PDSS2: variants seen among roughly 807,000 people sequenced by gnomAD.
PDSS2 encodes the protein decaprenyl diphosphate synthase subunit 2.
In PDSS2, 31 loss-of-function variants were observed where a neutral mutation model predicts 44.5. The observed-to-expected ratio is 0.70, with a 90% CI of 0.52 to 0.94. The LOEUF is 0.94. Among genes scored for constraint, PDSS2 ranks in the 40% least tolerant of loss-of-function variants. The pLI, the probability that PDSS2 is intolerant of heterozygous loss-of-function variation, is 0.00. For synonymous variants in PDSS2, 157 were observed against 180.3 expected (o/e 0.87, Z 1.03); for missense variants, 452 against 482.2 (o/e 0.94, Z 0.59).
At chr6:107,456,759 T>A (rs1316377946) in intron 1 of PDSS2, among the ~76,000 whole-genome samples, 1 of 152,148 alleles carries the variant, frequency 6.6e-6, no homozygotes, top group African/African-American at 2.4e-5. Context: ...CCCAGGCTGG[T>A]CTCGAACTCC....
At chr6:107,311,195 CTTTT>C (rs35780982) in intron 2 of PDSS2, among the ~76,000 whole-genome samples, 1 of 128,282 alleles carries the variant, frequency 7.8e-6, no homozygotes. Flanking sequence ...CCACAACCAG[CTTTT>C]TTTTTTTTTT....
intron 2 of PDSS2, among the ~76,000 whole-genome samples, chr6:107,286,023 C>T (rs1776129929): frequency 6.6e-6 from 1 of 151,378 alleles, no homozygotes; most frequent in Non-Finnish European, 1.5e-5. Context: ...GCCTGTAATC[C>T]CAGCTACTCA....
intron 1 of PDSS2, among the ~76,000 whole-genome samples, chr6:107,395,841 G>A (rs1307454153): frequency 6.6e-6 from 1 of 152,112 alleles, no homozygotes; most frequent in African/African-American, 2.4e-5. Context: ...TTGATTTTAT[G>A]TTGCTGAGTG....
chr6:107,444,941 AAGGAG>A, intron 1 of PDSS2, among the ~76,000 whole-genome samples: 1 of 152,278 alleles, frequency 6.6e-6, no homozygotes, highest in South Asian at 2.1e-4. Context: ...GCAAAAGCAA[AAGGAG>A]TATTTAAACA....
At chr6:107,187,177 A>G (rs1249098014) in intron 7 of PDSS2, among the ~76,000 whole-genome samples, 2 of 152,202 alleles carry the variant, frequency 1.3e-5, no homozygotes, top group African/African-American at 4.8e-5. Context: ...TCTCTATGTT[A>G]CTTGGATTTA....
chr6:107,435,700 A>G (rs1781328671), intron 1 of PDSS2, among the ~76,000 whole-genome samples: 1 of 152,180 alleles, frequency 6.6e-6, no homozygotes, highest in Non-Finnish European at 1.5e-5. Context: ...TGTAATTATT[A>G]AACACTGTCA....
At chr6:107,162,729 C>T (rs945955420) in intron 7 of PDSS2, among the ~76,000 whole-genome samples, 7 of 151,178 alleles carry the variant, frequency 4.6e-5, no homozygotes, top group African/African-American at 4.9e-5. Context: ...CTCAGCCTCC[C>T]GAGTAGCTGG....
At chr6:107,225,164 T>TATATACATA (rs1289535741) in intron 4 of PDSS2, among the ~76,000 whole-genome samples, 1 of 42,978 alleles carries the variant, frequency 2.3e-5, no homozygotes, top group African/African-American at 1.3e-4. Context: ...TATATATATT[T>TATATACATA]TTTTTTTTTT....
intron 7 of PDSS2, among the ~76,000 whole-genome samples, chr6:107,159,849 TTA>T (rs1379532847): frequency 6.9e-4 from 105 of 152,328 alleles, no homozygotes; most frequent in African/African-American, 2.5e-3. Flanking sequence ...GATGTTTAAT[TTA>T]TGAGTATTAA....
At chr6:107,375,944 A>G (rs1398726437) in intron 1 of PDSS2, among the ~76,000 whole-genome samples, 2 of 151,876 alleles carry the variant, frequency 1.3e-5, no homozygotes, top group African/African-American at 4.9e-5. Context: ...AAAGCATTTG[A>G]CAAAATTCAA....
chr6:107,410,200 G>C (rs1191634637), intron 1 of PDSS2, among the ~76,000 whole-genome samples: 1 of 152,132 alleles, frequency 6.6e-6, no homozygotes, highest in Non-Finnish European at 1.5e-5. Flanking sequence ...AGAAAAAGGG[G>C]AAGAGAATTA....
At chr6:107,271,298 T>C (rs541514439) in intron 3 of PDSS2, among the ~76,000 whole-genome samples, 1 of 152,348 alleles carries the variant, frequency 6.6e-6, no homozygotes, top group African/African-American at 2.4e-5. Flanking sequence ...ATACTTCTAG[T>C]TTTTTCAGTT....
chr6:107,459,318 G>A lies in PDSS2; in HGVS notation c.-33C>T, dbSNP rs180880925. ...GTCTGGAAGGGTCTGGGACCTGGGG[G>A]TATCCAGAAGTGCCGCGGGAAACAA... On this transcript the variant is annotated 5_prime_UTR_variant, in exon 1 of 8. Coordinates refer to ENST00000369037, the MANE Select transcript of PDSS2 (RefSeq NM_020381.4). This position sits in a 1 kb window ranked among gnomAD's most constrained non-coding sequence, Gnocchi z 4.3. 1.4e-5 allele frequency: 22 copies of A among 1,593,392 alleles called. No homozygotes were observed. The highest frequency in any genetic ancestry group is 1.2e-4 in the Admixed American group (7 of 59,944).
At chr6:107,317,322 ATGT>A in intron 2 of PDSS2, among the ~76,000 whole-genome samples, 1 of 152,184 alleles carries the variant, frequency 6.6e-6, no homozygotes, top group Non-Finnish European at 1.5e-5. Flanking sequence ...GCACAACCAG[ATGT>A]GGAGGAAACA....
chr6:107,255,383 G>A (rs9480758), intron 3 of PDSS2, among the ~76,000 whole-genome samples: 31,932 of 151,148 alleles, frequency 0.21, 3,826 homozygotes, highest in African/African-American at 0.31. Context: ...GTAGAGATGG[G>A]GTTTTGCCAT....
intron 4 of PDSS2, among the ~76,000 whole-genome samples, chr6:107,233,589 A>AG (rs1774124636): frequency 6.6e-6 from 1 of 152,078 alleles, no homozygotes; most frequent in Non-Finnish European, 1.5e-5. Flanking sequence ...AGATGGGAGG[A>AG]TCACCTGAGG....
At chr6:107,452,244 C>CT (rs1196499531) in intron 1 of PDSS2, among the ~76,000 whole-genome samples, 4,075 of 143,244 alleles carry the variant, frequency 0.028, 189 homozygotes, top group African/African-American at 0.096. Flanking sequence ...TTAGAGAGTT[C>CT]TTTTTTTTTT....
chr6:107,244,202 T>C (rs1477089842), intron 4 of PDSS2, among the ~76,000 whole-genome samples: 1 of 152,186 alleles, frequency 6.6e-6, no homozygotes, highest in Non-Finnish European at 1.5e-5. Flanking sequence ...TAACAAGTTG[T>C]GTGACCTTGG....
At chr6:107,209,782 A>G (rs62428041) in intron 6 of PDSS2, among the ~76,000 whole-genome samples, 17,913 of 151,894 alleles carry the variant, frequency 0.12, 1,183 homozygotes, top group South Asian at 0.25. Flanking sequence ...CTCTGTCCAG[A>G]GCCTCAGATT....
Sources: allele counts gnomAD v4.1 joint callset (sites outside exome capture counted in the v4.1 genomes callset), GRCh38; gene constraint gnomAD v4.1.1; non-coding constraint Gnocchi (gnomAD v3.1); transcripts MANE v1.5; gene names NCBI Gene and HGNC (gene_info 2026-07-23, HGNC 2026-07-21).